DNAJB6: variants seen among roughly 807,000 people sequenced by gnomAD.
DNAJB6 encodes dnaJ homolog subfamily B member 6.
A neutral mutation model predicts 42.7 loss-of-function variants in DNAJB6; 16 were observed. The ratio of observed to expected loss-of-function variants is 0.37; its 90% CI spans 0.25 to 0.57. DNAJB6 has a LOEUF of 0.57. DNAJB6 is among the 20% of genes least tolerant of loss of function. The pLI is 0.74. For synonymous variants in DNAJB6, 170 were observed against 163.5 expected, an observed-to-expected ratio of 1.04 and a Z score of -0.30; for missense variants, 347 against 416.8, an observed-to-expected ratio of 0.83 and a Z score of 1.46.
intron 2 of DNAJB6, among the ~76,000 whole-genome samples, chr7:157,359,254 C>T (rs183206176): frequency 1.6e-3 from 243 of 152,134 alleles, no homozygotes; most frequent in African/African-American, 5.8e-3. Flanking sequence ...GAGCAGTTAG[C>T]CTGGAATAGT....
rs770410693 is a variant in DNAJB6 at position 157,417,060 on chromosome 7, T to A, written c.*962T>A. On this transcript the variant is annotated 3_prime_UTR_variant, in exon 10 of 10. Coordinates refer to ENST00000262177, the MANE Select transcript of DNAJB6 (RefSeq NM_058246.4). Reference sequence around the variant, plus strand: ...GGGCTGCCTTGACTTCTTCCCTGCATGCTCCCTCCCAGTGACTTTCCTTCC... The same window carrying A: ...GGGCTGCCTTGACTTCTTCCCTGCAAGCTCCCTCCCAGTGACTTTCCTTCC... 6 of 152,284 alleles carry A rather than the reference T, an allele frequency of 3.9e-5. No individual in the cohort carries two copies. Among genetic ancestry groups the A allele is most frequent in the African/African-American group, 7.2e-5 (3 of 41,474 alleles). 9.4% of individuals were successfully genotyped at this position (152,284 alleles called of 1,614,324 possible).
intron 8 of DNAJB6, among the ~76,000 whole-genome samples, chr7:157,403,861 G>A (rs1300664459): frequency 6.6e-6 from 1 of 152,214 alleles, no homozygotes; most frequent in Non-Finnish European, 1.5e-5. Context: ...AGCAGAGGCT[G>A]CTCCAGAGAC....
intron 1 of DNAJB6, among the ~76,000 whole-genome samples, chr7:157,345,890 AT>A (rs1205306646): frequency 6.6e-6 from 1 of 152,032 alleles, no homozygotes; most frequent in African/African-American, 2.4e-5. Context: ...TTAGTATATT[AT>A]TTTAAAATGC....
chr7:157,381,483 G>GA (rs1251468602), intron 5 of DNAJB6: 1 of 152,106 alleles, frequency 6.6e-6, no homozygotes, highest in Non-Finnish European at 1.5e-5. Context: ...AGCAACAGAG[G>GA]AAAACAAAAC....
chr7:157,345,623 A>G (rs1584877690), intron 1 of DNAJB6, among the ~76,000 whole-genome samples: 1 of 152,018 alleles, frequency 6.6e-6, no homozygotes, highest in Non-Finnish European at 1.5e-5. Flanking sequence ...TTTCAGTGTG[A>G]TGTAATCCCA....
chr7:157,369,493 C>T lies in DNAJB6; in HGVS notation c.346+2010C>T, dbSNP rs934149435. On this transcript the variant is annotated intron_variant, in intron 5 of 9. Transcript: ENST00000262177. Reference sequence around the variant, plus strand: ...CACACGAGGTGAAACGGGCTGTCCTCGTGATGTCTGAGACCGGGCGTCTTC... The same window carrying T: ...CACACGAGGTGAAACGGGCTGTCCTTGTGATGTCTGAGACCGGGCGTCTTC... 29 of 446,532 alleles carry T rather than the reference C, an allele frequency of 6.5e-5. 1 individual carries two copies. Among genetic ancestry groups the T allele is most frequent in the South Asian group, 1.1e-4 (7 of 63,266 alleles). 27.7% of individuals were successfully genotyped at this position (446,532 alleles called of 1,614,324 possible).
At chr7:157,343,230 G>C (rs1162039131) in intron 1 of DNAJB6, among the ~76,000 whole-genome samples, 1 of 151,602 alleles carries the variant, frequency 6.6e-6, no homozygotes, top group Non-Finnish European at 1.5e-5. Context: ...GCACTATCTT[G>C]GCTCACTGCG....
chr7:157,348,790 CCTCTT>C (rs1798820657), intron 1 of DNAJB6, among the ~76,000 whole-genome samples: 1 of 152,148 alleles, frequency 6.6e-6, no homozygotes, highest in Non-Finnish European at 1.5e-5. Context: ...CCCTCCCCTC[CCTCTT>C]ACTCCCAGCA....
chr7:157,376,488 T>C (rs1800479052), intron 5 of DNAJB6, among the ~76,000 whole-genome samples: 1 of 152,212 alleles, frequency 6.6e-6, no homozygotes, highest in African/African-American at 2.4e-5. Context: ...TGAAGAGATG[T>C]ATTCTGAGCC....
chr7:157,357,287 C>CTTCA (rs1799347744), intron 1 of DNAJB6, among the ~76,000 whole-genome samples: 1 of 56,822 alleles, frequency 1.8e-5, no homozygotes, highest in African/African-American at 8.6e-5. Flanking sequence ...TCCTTCCTTC[C>CTTCA]GTCCTTCCTT....
chr7:157,362,434 G>A (rs900571900), intron 2 of DNAJB6, among the ~76,000 whole-genome samples: 8 of 152,124 alleles, frequency 5.3e-5, no homozygotes, highest in African/African-American at 1.9e-4. Flanking sequence ...GAGTGCAATG[G>A]TGCGATCTCG....
intron 4 of DNAJB6, 67 bp downstream of exon 4, chr7:157,366,628 G>C: frequency 1.4e-6 from 2 of 1,451,112 alleles, no homozygotes; most frequent in East Asian, 2.3e-5. Flanking sequence ...TGTAAATCAC[G>C]AGTCTCTTGG....
chr7:157,390,721 C>A (rs1300683725), intron 8 of DNAJB6, among the ~76,000 whole-genome samples: 1 of 152,178 alleles, frequency 6.6e-6, no homozygotes, highest in Non-Finnish European at 1.5e-5. Flanking sequence ...CACAGCTGCC[C>A]TGAGTTGGCA....
At chr7:157,401,957 GC>G (rs956330841) in intron 8 of DNAJB6, among the ~76,000 whole-genome samples, 1 of 152,178 alleles carries the variant, frequency 6.6e-6, no homozygotes, top group African/African-American at 2.4e-5. Context: ...CAAGCCTGGA[GC>G]CCACAGGCTG....
At chr7:157,395,080 C>T (rs1801517881) in intron 8 of DNAJB6, among the ~76,000 whole-genome samples, 3 of 150,950 alleles carry the variant, frequency 2.0e-5, no homozygotes, top group Admixed American at 2.0e-4. Context: ...GGCAACAGAG[C>T]AAGACCCTGT....
intron 1 of DNAJB6, among the ~76,000 whole-genome samples, chr7:157,355,097 C>T (rs190830287): frequency 4.1e-4 from 62 of 152,284 alleles, no homozygotes; most frequent in African/African-American, 1.4e-3. Context: ...AGGATGAAAA[C>T]CCACATGTAG....
At chr7:157,394,127 A>G (rs1801476676) in intron 8 of DNAJB6, among the ~76,000 whole-genome samples, 1 of 151,806 alleles carries the variant, frequency 6.6e-6, no homozygotes, top group African/African-American at 2.4e-5. Context: ...TATTTGCAGT[A>G]CTTTTGTTCA....
rs1336795389 is a variant in DNAJB6 at position 157,399,167 on chromosome 7, GC to G, written c.692-10627del. Among the ~76,000 whole-genome samples, 16 of 152,170 alleles carry G rather than the reference GC, an allele frequency of 1.1e-4. No individual in the cohort carries two copies. The South Asian group carries it at 1.4e-3, about 14-fold the overall frequency. ...AGTTCCGCTGACAAGTTTGTTGGGG[GC>G]TCTTCGTGTGAGATCTTGCACGAGT... On this transcript the variant is annotated intron_variant, in intron 8 of 9. Transcript: ENST00000262177.
intron 1 of DNAJB6, among the ~76,000 whole-genome samples, chr7:157,342,426 C>T (rs1267998088): frequency 1.4e-5 from 2 of 146,262 alleles, no homozygotes; most frequent in Non-Finnish European, 3.0e-5. Context: ...CAACCTCTGC[C>T]TCCCAGGTTC....
Sources: allele counts gnomAD v4.1 joint callset (sites outside exome capture counted in the v4.1 genomes callset), GRCh38; gene constraint gnomAD v4.1.1; transcripts MANE v1.5; gene names NCBI Gene and HGNC (gene_info 2026-07-23, HGNC 2026-07-21).